NFATC2IP: variants seen among roughly 807,000 people sequenced by gnomAD.
The protein encoded by NFATC2IP is NFATC2-interacting protein.
NFATC2IP carries 25 observed loss-of-function variants against 40.2 expected under a neutral mutation model. The observed-to-expected ratio is 0.62, with a 90% CI of 0.45 to 0.87. The LOEUF is 0.87. NFATC2IP is among the 40% of genes least tolerant of loss of function. The pLI, the probability that NFATC2IP is intolerant of heterozygous loss-of-function variation, is 0.00. For synonymous variants in NFATC2IP, 241 were observed against 236.3 expected, an observed-to-expected ratio of 1.02 and a Z score of -0.18; for missense variants, 553 against 555.6, an observed-to-expected ratio of 1.00 and a Z score of 0.05.
Position 28,953,135 on chromosome 16 carries a change from C to T in NFATC2IP, c.460+931C>T, listed in dbSNP as rs563706820. ...TGTCACCCAGGGTGGAGTGTAGTGGCGCAATCTTAGCTCACTGCAACCTCC... is the reference window on the plus strand; with the variant it reads ...TGTCACCCAGGGTGGAGTGTAGTGGTGCAATCTTAGCTCACTGCAACCTCC... On this transcript the variant is annotated intron_variant, in intron 2 of 7. Transcript: ENST00000320805. 9.3e-4 allele frequency among the ~76,000 whole-genome samples: 141 copies of T among 152,094 alleles called. No individual in the cohort carries two copies. In the South Asian group the frequency reaches 0.028, roughly 30 times the overall value.
chr16:28,951,411 C>T lies in NFATC2IP; in HGVS notation c.387+13C>T. 1 of 1,377,798 alleles carries T rather than the reference C, an allele frequency of 7.3e-7. No homozygotes were observed. Among genetic ancestry groups the T allele is most frequent in the Non-Finnish European group, 9.3e-7 (1 of 1,070,018 alleles). The allele number at this position is 1,377,798 out of a possible 1,614,324, so 85.3% of individuals were successfully genotyped here. On this transcript the variant is annotated intron_variant, in intron 1 of 7. Coordinates refer to ENST00000320805, the MANE Select transcript of NFATC2IP (RefSeq NM_032815.4). ...GTACTCGGGGAAGGTGCGCCCGGTCCCGGGGAGGGGACCGGCGGAAGGGCC... is the reference window on the plus strand; with the variant it reads ...GTACTCGGGGAAGGTGCGCCCGGTCTCGGGGAGGGGACCGGCGGAAGGGCC...
chr16:28,954,798 A>G (rs1383544761), intron 3 of NFATC2IP, 116 bp downstream of exon 3: 2 of 638,420 alleles, frequency 3.1e-6, no homozygotes, highest in Non-Finnish European at 5.6e-6. Context: ...GGATAGAAGG[A>G]CTGTTGAGTT....
Position 28,952,196 on chromosome 16 carries a change from A to T in NFATC2IP, c.452A>T (p.Asp151Val). 6.2e-7 allele frequency: 1 copy of T among 1,613,282 alleles called. No individual in the cohort carries two copies. The highest frequency in any genetic ancestry group is 8.5e-7 in the Non-Finnish European group (1 of 1,179,444). Residue 151 changes from aspartate (D) to valine (V), a missense_variant, in exon 2 of 8, where the codon GAT (aspartate) becomes GTT (valine). Transcript: ENST00000320805. ...CTCCTGAAACTCTACCCTCCAGGGG[A>T]TGAGGAAGGTAAGGGAGGGCCTCCA... ...LSLLKLYPPG[D>V]EEEAELADSS...
At chr16:28,958,886 G>T (rs985540682) in intron 6 of NFATC2IP, 25 bp downstream of exon 6, 3 of 1,612,778 alleles carry the variant, frequency 1.9e-6, no homozygotes, top group Non-Finnish European at 2.5e-6. Flanking sequence ...GGGAGGTGGG[G>T]CCTTGAGGCA....
intron 1 of NFATC2IP, 119 bp downstream of exon 1, chr16:28,951,517 G>C: frequency 9.7e-7 from 1 of 1,028,064 alleles, no homozygotes; most frequent in South Asian, 3.0e-5. Flanking sequence ...TCTGGGGCTG[G>C]TCCTCGGGCG....
In NFATC2IP at chr16:28,956,275, C is replaced by A; in HGVS notation, c.784C>A (p.Pro262Thr). The change falls in exon 5 of 8, where the codon CCC becomes ACC. Residue 262 changes from proline (P) to threonine (T), a missense_variant. Coordinates refer to ENST00000320805, the MANE Select transcript of NFATC2IP (RefSeq NM_032815.4). Reference sequence around the variant, plus strand: ...GGAAGGGCCCACCCTCCCAGAGACCCCCCGACTCTTCCCACTCAAAATCCG... The same window carrying A: ...GGAAGGGCCCACCCTCCCAGAGACCACCCGACTCTTCCCACTCAAAATCCG... ...LVEGPTLPET[P>T]RLFPLKIRCR... 6.2e-7 allele frequency: 1 copy of A among 1,614,080 alleles called. No individual in the cohort carries two copies. Among genetic ancestry groups the A allele is most frequent in the Non-Finnish European group, 8.5e-7 (1 of 1,179,996 alleles).
rs1008261550 is a variant in NFATC2IP at position 28,951,235 on chromosome 16, C to T, written c.224C>T (p.Pro75Leu). Residue 75 changes from proline (P) to leucine (L), a missense_variant, in exon 1 of 8, where the codon CCC becomes CTC. By Grantham distance (98) the Pro-to-Leu change is moderately conservative (BLOSUM62 -3). Transcript: ENST00000320805. ...GCCGCGGACGAGGTTGAGGTGGAGC[C>T]CCCGGAGCCCCCGGGGCCGGTCGCG... ...RGAADEVEVE[P>L]PEPPGPVASR... 3.3e-6 allele frequency: 5 copies of T among 1,512,986 alleles called. No homozygotes were observed. The highest frequency in any genetic ancestry group is 2.5e-5 in the South Asian group (2 of 79,798). The allele number at this position is 1,512,986 out of a possible 1,614,324, so 93.7% of individuals were successfully genotyped here. A position where few individuals can be genotyped will look rare whatever the true frequency, so the allele number is the denominator to read the frequency against.
intron 3 of NFATC2IP, among the ~76,000 whole-genome samples, chr16:28,955,563 G>A (rs907840837): frequency 2.0e-5 from 3 of 152,098 alleles, no homozygotes; most frequent in African/African-American, 7.2e-5. Flanking sequence ...AGTGAAATGG[G>A]GGTTATTGGA....
chr16:28,964,442 A>T lies in NFATC2IP; in HGVS notation c.*579A>T, dbSNP rs551202349. On this transcript the variant is annotated 3_prime_UTR_variant, in exon 8 of 8. Transcript: ENST00000320805. Reference sequence around the variant, plus strand: ...TGAAGGATGAAGGTGGTGGATTCTCAGCCCTGGGGGTCTTCCTCACCTGAG... The same window carrying T: ...TGAAGGATGAAGGTGGTGGATTCTCTGCCCTGGGGGTCTTCCTCACCTGAG... 6.5e-6 allele frequency: 1 copy of T among 153,684 alleles called. No individual in the cohort carries two copies. Among genetic ancestry groups the T allele is most frequent in the Admixed American group, 6.4e-5 (1 of 15,570 alleles). The allele number at this position is 153,684 out of a possible 1,614,324, so 9.5% of individuals were successfully genotyped here. A position where few individuals can be genotyped will look rare whatever the true frequency, so the allele number is the denominator to read the frequency against.
chr16:28,956,037 C>T lies in NFATC2IP; in HGVS notation c.638C>T (p.Thr213Ile). The T allele has an allele frequency of 6.2e-7, 1 of 1,614,136 alleles. No individual in the cohort carries two copies. The highest frequency in any genetic ancestry group is 8.5e-7 in the Non-Finnish European group (1 of 1,180,012). ...PSPRTKSRTHTRALKKLSEVN... is the reference protein window; with the variant it reads ...PSPRTKSRTHIRALKKLSEVN... ...CCAAGGACCAAAAGCAGAACGCATA[C>T]TCGGGCACTCAAGAAGTTAAGGTGC... The change falls in exon 4 of 8, where the codon ACT becomes ATT. Residue 213 changes from threonine to isoleucine, a missense_variant. Thr to Ile is a moderately conservative substitution (Grantham distance 89). Transcript: ENST00000320805.
At chr16:28,952,468 C>A in intron 2 of NFATC2IP, 1 of 433,360 alleles carries the variant, frequency 2.3e-6, no homozygotes. Context: ...GAATCTGTGA[C>A]ATCTTGTTAC....
In NFATC2IP at chr16:28,963,956, A is replaced by G; in HGVS notation, c.*93A>G. On this transcript the variant is annotated 3_prime_UTR_variant, in exon 8 of 8. Coordinates refer to ENST00000320805, the MANE Select transcript of NFATC2IP (RefSeq NM_032815.4). ...AAGGGCTAGCATAAGCTGAGGTAGAACTTATCTTTAAGCTGCAGCAAAATC... is the reference window on the plus strand; with the variant it reads ...AAGGGCTAGCATAAGCTGAGGTAGAGCTTATCTTTAAGCTGCAGCAAAATC... The G allele has an allele frequency of 8.4e-7, 1 of 1,187,234 alleles. No homozygotes were observed. The highest frequency in any genetic ancestry group is 1.2e-6 in the Non-Finnish European group (1 of 835,598). The allele number at this position is 1,187,234 out of a possible 1,614,324, so 73.5% of individuals were successfully genotyped here.
At chr16:28,953,330 C>T (rs1267132898) in intron 2 of NFATC2IP, among the ~76,000 whole-genome samples, 1 of 152,180 alleles carries the variant, frequency 6.6e-6, no homozygotes, top group South Asian at 2.1e-4. Flanking sequence ...GCCTTGGTCA[C>T]CCAAAGTGCT....
In NFATC2IP at chr16:28,963,678, C is replaced by T. The variant is rs190045734; in HGVS notation, c.1102-27C>T. The stretch of plus-strand genomic sequence containing the variant: ...ATCCCCGCCCCCTTTCATGTTCTGA[C>T]GTCCATTTTCTTTTGTCTCCATCCA... On this transcript the variant is annotated intron_variant, in intron 7 of 7. Coordinates refer to ENST00000320805, the MANE Select transcript of NFATC2IP (RefSeq NM_032815.4). 2.0e-5 allele frequency: 32 copies of T among 1,609,514 alleles called. No homozygotes were observed. In the African/African-American group the frequency reaches 2.8e-4, roughly 14 times the overall value.
chr16:28,958,929 C>G, intron 6 of NFATC2IP, 62 bp from the exon 7 acceptor site: 1 of 1,604,580 alleles, frequency 6.2e-7, no homozygotes, highest in Non-Finnish European at 8.5e-7. Context: ...GGGAGAGGTT[C>G]AGCACGGGCC....
intron 1 of NFATC2IP, 119 bp downstream of exon 1, chr16:28,951,517 G>A: frequency 1.9e-6 from 2 of 1,028,064 alleles, no homozygotes; most frequent in Non-Finnish European, 2.6e-6. Flanking sequence ...TCTGGGGCTG[G>A]TCCTCGGGCG....
rs959833054 is a variant in NFATC2IP at position 28,965,287 on chromosome 16, G to C, written c.*1424G>C. Reference sequence around the variant, plus strand: ...GCTTGTACATTCTTGGGCAATTGCAGATAATTCCAAGAATGCATATTTGGG... The same window carrying C: ...GCTTGTACATTCTTGGGCAATTGCACATAATTCCAAGAATGCATATTTGGG... On this transcript the variant is annotated 3_prime_UTR_variant, in exon 8 of 8. Transcript: ENST00000320805. 1 of 152,094 alleles carries C rather than the reference G, an allele frequency of 6.6e-6. No individual in the cohort carries two copies. Among genetic ancestry groups the C allele is most frequent in the Non-Finnish European group, 1.5e-5 (1 of 68,024 alleles). The allele number at this position is 152,094 out of a possible 1,614,324, so 9.4% of individuals were successfully genotyped here.
At chr16:28,960,891 A>G (rs1411677938) in intron 7 of NFATC2IP, among the ~76,000 whole-genome samples, 1 of 152,156 alleles carries the variant, frequency 6.6e-6, no homozygotes, top group Non-Finnish European at 1.5e-5. Context: ...TCATAACAAT[A>G]TATGCATCCT....
Position 28,951,397 on chromosome 16 carries a change from A to C in NFATC2IP, c.386A>C (p.Lys129Thr), listed in dbSNP as rs1475181391. The C allele has an allele frequency of 6.5e-6, 9 of 1,388,818 alleles. No individual in the cohort carries two copies. The highest frequency in any genetic ancestry group is 8.4e-6 in the Non-Finnish European group (9 of 1,074,812). 86.0% of individuals were successfully genotyped at this position (1,388,818 alleles called of 1,614,324 possible). Residue 129 changes from lysine (K) to threonine (T), a missense_variant and splice_region_variant, in exon 1 of 8, where the codon AAG (lysine) becomes ACG (threonine). Transcript: ENST00000320805. ...CCGCTGGTTCCGGTGTACTCGGGGA[A>C]GGTGCGCCCGGTCCCGGGGAGGGGA... ...EAPLVPVYSG[K>T]VKSSLRLIPD...
Sources: allele counts gnomAD v4.1 joint callset (sites outside exome capture counted in the v4.1 genomes callset), GRCh38; gene constraint gnomAD v4.1.1; transcripts MANE v1.5; gene names NCBI Gene and HGNC (gene_info 2026-07-23, HGNC 2026-07-21).